The following ADAMTS3 variants were observed in gnomAD, a reference collection of about 807,000 sequenced individuals.
ADAMTS3 encodes the protein A disintegrin and metalloproteinase with thrombospondin motifs 3.
Under a neutral mutation model 129.0 loss-of-function variants are expected in ADAMTS3, and 73 were observed. The observed-to-expected ratio is 0.57, with a 90% confidence interval of 0.47 to 0.69. ADAMTS3 has a LOEUF of 0.69. Ranked by LOEUF, ADAMTS3 falls within the 30% of genes least tolerant of loss-of-function variation. ADAMTS3 has a pLI of 0.00. For missense variants in ADAMTS3, 1,457 were observed against 1,514.5 expected, an observed-to-expected ratio of 0.96 and a Z score of 0.63; for synonymous variants, 477 against 510.8, an observed-to-expected ratio of 0.93 and a Z score of 0.89.
intron 3 of ADAMTS3, among the ~76,000 whole-genome samples, chr4:72,529,956 T>G (rs1258314062): frequency 5.6e-5 from 1 of 17,968 alleles, no homozygotes; most frequent in African/African-American, 1.5e-4. Flanking sequence ...ATATAATATA[T>G]AATATATTAT....
intron 4 of ADAMTS3, among the ~76,000 whole-genome samples, chr4:72,372,578 C>T (rs988209536): frequency 4.6e-5 from 7 of 151,776 alleles, no homozygotes; most frequent in Admixed American, 1.3e-4. Flanking sequence ...TTCCAGAAAT[C>T]TAAAATAATC....
intron 3 of ADAMTS3, among the ~76,000 whole-genome samples, chr4:72,529,748 A>G (rs1426388105): frequency 8.9e-6 from 1 of 111,736 alleles, no homozygotes; most frequent in African/African-American, 3.5e-5. Flanking sequence ...TATTTAATAT[A>G]TTGTATATAA....
chr4:72,372,313 GAAT>G (rs1369751179), intron 4 of ADAMTS3, among the ~76,000 whole-genome samples: 1 of 152,006 alleles, frequency 6.6e-6, no homozygotes, highest in African/African-American at 2.4e-5. Context: ...TCTGTGGGAA[GAAT>G]AATACTATAT....
intron 20 of ADAMTS3, 55 bp from the exon 21 acceptor site, chr4:72,288,923 TACACACACACACACAC>T (rs33967517): frequency 1.9e-4 from 88 of 452,750 alleles, no homozygotes; most frequent in Middle Eastern, 6.3e-4. Flanking sequence ...ACCATGCACA[TACACACACACACACAC>T]ACACACACAC....
At chr4:72,512,990 C>G (rs1277456816) in intron 3 of ADAMTS3, among the ~76,000 whole-genome samples, 1 of 152,104 alleles carries the variant, frequency 6.6e-6, no homozygotes, top group Non-Finnish European at 1.5e-5. Flanking sequence ...TTCAAGACAT[C>G]ATACTTCAGC....
At chr4:72,510,257 T>C (rs926965197) in intron 3 of ADAMTS3, among the ~76,000 whole-genome samples, 3 of 151,988 alleles carry the variant, frequency 2.0e-5, no homozygotes, top group Admixed American at 2.0e-4. Flanking sequence ...AACATAGTAC[T>C]AAAAGTCCTA....
At chr4:72,444,284 C>T (rs1168021095) in intron 3 of ADAMTS3, among the ~76,000 whole-genome samples, 1 of 151,716 alleles carries the variant, frequency 6.6e-6, no homozygotes, top group African/African-American at 2.4e-5. Flanking sequence ...TCACAAAAAT[C>T]CCAGCAAATG....
intron 20 of ADAMTS3, 43 bp downstream of exon 20, chr4:72,290,812 C>T (rs1272456149): frequency 9.5e-6 from 15 of 1,573,878 alleles, no homozygotes; most frequent in Admixed American, 1.7e-5. Context: ...CACATGCTTA[C>T]ACACACACTT....
At chr4:72,306,808 T>C (rs575237343) in intron 15 of ADAMTS3, among the ~76,000 whole-genome samples, 104 of 152,146 alleles carry the variant, frequency 6.8e-4, no homozygotes, top group African/African-American at 2.4e-3. Context: ...AATAGGTTGC[T>C]TTGTGTTTTA....
In ADAMTS3 at chr4:72,282,222, C is replaced by T. The variant is rs1208742965; in HGVS notation, c.*914G>A. 1 of 152,142 alleles carries T rather than the reference C, an allele frequency of 6.6e-6. No homozygotes were observed. Among genetic ancestry groups the T allele is most frequent in the African/African-American group, 2.4e-5 (1 of 41,412 alleles). The allele number at this position is 152,142 out of a possible 1,614,324, so 9.4% of individuals were successfully genotyped here. On this transcript the variant is annotated 3_prime_UTR_variant, in exon 22 of 22. Coordinates refer to ENST00000286657, the MANE Select transcript of ADAMTS3 (RefSeq NM_014243.3). ...TGCGAAAATTAAAAAAGAACACACACACACAAAAACAAAGGACACCTCAAC... is the reference window on the plus strand; with the variant it reads ...TGCGAAAATTAAAAAAGAACACACATACACAAAAACAAAGGACACCTCAAC...
At chr4:72,388,360 C>T (rs1662709768) in intron 4 of ADAMTS3, among the ~76,000 whole-genome samples, 1 of 152,146 alleles carries the variant, frequency 6.6e-6, no homozygotes, top group Non-Finnish European at 1.5e-5. Context: ...TTTAAAAGTA[C>T]CACTGCCTGT....
chr4:72,381,977 C>T (rs1721301025), intron 4 of ADAMTS3, among the ~76,000 whole-genome samples: 1 of 152,156 alleles, frequency 6.6e-6, no homozygotes, highest in Non-Finnish European at 1.5e-5. Context: ...AGAAGAGGTT[C>T]TCAATTACAC....
chr4:72,487,259 G>T (rs1265871200), intron 3 of ADAMTS3, among the ~76,000 whole-genome samples: 1 of 152,018 alleles, frequency 6.6e-6, no homozygotes, highest in African/African-American at 2.4e-5. Context: ...AAACAAATAA[G>T]TAGAAGACAA....
intron 3 of ADAMTS3, among the ~76,000 whole-genome samples, chr4:72,519,207 G>A (rs374312278): frequency 2.0e-4 from 31 of 152,012 alleles, no homozygotes; most frequent in East Asian, 3.9e-4. Context: ...CGAGAGATCC[G>A]CTGTTAGTCT....
intron 19 of ADAMTS3, among the ~76,000 whole-genome samples, chr4:72,292,215 C>T (rs1332973341): frequency 6.6e-6 from 1 of 152,200 alleles, no homozygotes; most frequent in Non-Finnish European, 1.5e-5. Flanking sequence ...GTCTATTATA[C>T]ATAGTTAAAA....
chr4:72,327,009 C>G (rs1463445360), intron 5 of ADAMTS3, among the ~76,000 whole-genome samples: 1 of 152,024 alleles, frequency 6.6e-6, no homozygotes, highest in Non-Finnish European at 1.5e-5. Flanking sequence ...ATAAATGAAA[C>G]AATCTCCTTG....
At chr4:72,538,256 T>C (rs950934085) in intron 3 of ADAMTS3, among the ~76,000 whole-genome samples, 20 of 152,156 alleles carry the variant, frequency 1.3e-4, no homozygotes, top group African/African-American at 4.3e-4. Context: ...CCAAATTTGA[T>C]GAAAGACATA....
At chr4:72,340,707 A>G (rs1720114848) in intron 4 of ADAMTS3, among the ~76,000 whole-genome samples, 1 of 152,124 alleles carries the variant, frequency 6.6e-6, no homozygotes, top group African/African-American at 2.4e-5. Flanking sequence ...AAAGAAGAAG[A>G]GAGACACCAT....
intron 3 of ADAMTS3, among the ~76,000 whole-genome samples, chr4:72,430,610 A>G (rs1390316789): frequency 2.0e-5 from 3 of 152,054 alleles, no homozygotes; most frequent in Non-Finnish European, 2.9e-5. Flanking sequence ...TACAAAATCC[A>G]TGAACATAGT....
Sources: gnomAD v4.1 joint callset for allele counts (sites outside exome capture counted in the v4.1 genomes callset) on GRCh38, gnomAD v4.1.1 for gene constraint, MANE v1.5 for transcripts, NCBI Gene and HGNC (gene_info 2026-07-23, HGNC 2026-07-21) for gene names.